RYR2: variants seen among roughly 807,000 people sequenced by gnomAD.
The protein encoded by RYR2 is cardiac muscle ryanodine receptor-calcium release channel.
Under a neutral mutation model 601.1 loss-of-function variants are expected in RYR2, and 227 were observed. That is an observed-to-expected ratio of 0.38 (90% CI 0.34 to 0.42). The LOEUF (loss-of-function observed/expected upper bound fraction) is 0.42, where lower values mean the gene tolerates loss of function less well. Among genes scored for constraint, RYR2 ranks in the 10% least tolerant of loss-of-function variants. RYR2 has a pLI of 1.00. For synonymous variants in RYR2, 2,223 were observed against 2,175.1 expected, an observed-to-expected ratio of 1.02 and a Z score of -0.61; for missense variants, 4,646 against 6,156.5, an observed-to-expected ratio of 0.75 and a Z score of 8.21.
At chr1:237,504,779 T>C (rs545928105) in intron 22 of RYR2, among the ~76,000 whole-genome samples, 1 of 152,220 alleles carries the variant, frequency 6.6e-6, no homozygotes, top group East Asian at 1.9e-4. Context: ...GCCCCCAACC[T>C]TTTTGGCACT....
chr1:237,298,335 G>A (rs560698061), intron 2 of RYR2, among the ~76,000 whole-genome samples: 22 of 152,174 alleles, frequency 1.4e-4, no homozygotes, highest in African/African-American at 5.3e-4. Flanking sequence ...AGGATGGCCT[G>A]CAAGACTCCA....
intron 24 of RYR2, among the ~76,000 whole-genome samples, chr1:237,520,603 C>T (rs1666993281): frequency 6.6e-6 from 1 of 152,152 alleles, no homozygotes; most frequent in African/African-American, 2.4e-5. Flanking sequence ...CGACGTATCA[C>T]ATTTATTGAT....
chr1:237,466,821 TA>T (rs1660136820), intron 16 of RYR2, among the ~76,000 whole-genome samples: 1 of 151,760 alleles, frequency 6.6e-6, no homozygotes, highest in Admixed American at 6.6e-5. Context: ...ATTTATTAGA[TA>T]TTTTATATTA....
intron 2 of RYR2, among the ~76,000 whole-genome samples, chr1:237,312,540 C>G (rs1460015123): frequency 6.6e-6 from 1 of 152,160 alleles, no homozygotes; most frequent in East Asian, 1.9e-4. Flanking sequence ...GAAAAACTAC[C>G]TGCTTTCTGG....
chr1:237,629,096 G>A (rs887202416), intron 41 of RYR2, among the ~76,000 whole-genome samples: 1 of 152,036 alleles, frequency 6.6e-6, no homozygotes, highest in East Asian at 1.9e-4. Context: ...AGAAGAAAAC[G>A]GAATTCAGAG....
At chr1:237,662,517 GATAAGAA>G (rs1683904346) in intron 56 of RYR2, among the ~76,000 whole-genome samples, 1 of 151,674 alleles carries the variant, frequency 6.6e-6, no homozygotes. Flanking sequence ...CTGTCAGGTA[GATAAGAA>G]ATAAGAAATT....
intron 23 of RYR2, among the ~76,000 whole-genome samples, chr1:237,510,721 C>G (rs1265861678): frequency 6.6e-6 from 1 of 152,334 alleles, no homozygotes; most frequent in East Asian, 1.9e-4. Context: ...CAGCATATGG[C>G]TGCCATCTAG....
intron 34 of RYR2, among the ~76,000 whole-genome samples, chr1:237,597,481 G>A (rs760608300): frequency 1.5e-4 from 22 of 151,484 alleles, no homozygotes; most frequent in Non-Finnish European, 2.7e-4. Flanking sequence ...GGGGTTTCAC[G>A]ATGTTGGCCA....
rs189998282 is a variant in RYR2 at position 237,181,236 on chromosome 1, G to T, written c.49-89261G>T. ...TGACCTCAAGTGATCCGCCCTCCTC[G>T]GCTTCCCAAAGTGCTGGGATTACAG... is the stretch of plus-strand genomic sequence containing the variant. On this transcript the variant is annotated intron_variant, in intron 1 of 104. Transcript: ENST00000366574. Among the ~76,000 whole-genome samples, 23 of 152,014 alleles carry T rather than the reference G, an allele frequency of 1.5e-4. No individual in the cohort carries two copies. In the East Asian group the frequency reaches 2.1e-3, roughly 14 times the overall value.
At chr1:237,208,945 T>C (rs1017028880) in intron 1 of RYR2, among the ~76,000 whole-genome samples, 1 of 38,496 alleles carries the variant, frequency 2.6e-5, no homozygotes, top group African/African-American at 1.3e-4. Flanking sequence ...TGTATATATA[T>C]ATATATATAT....
At chr1:237,746,484 A>T (rs1692087747) in intron 80 of RYR2, among the ~76,000 whole-genome samples, 1 of 152,202 alleles carries the variant, frequency 6.6e-6, no homozygotes, top group Admixed American at 6.5e-5. Flanking sequence ...CTCAAAAAAC[A>T]TGGAAAACAA....
chr1:237,745,347 A>C (rs1691982955), intron 80 of RYR2, among the ~76,000 whole-genome samples: 1 of 152,200 alleles, frequency 6.6e-6, no homozygotes, highest in Non-Finnish European at 1.5e-5. Context: ...GAATTATTTC[A>C]TATAAAATTT....
At chr1:237,658,666 CTGAGATTACAGGCA>C (rs1171046574) in intron 54 of RYR2, among the ~76,000 whole-genome samples, 1 of 152,188 alleles carries the variant, frequency 6.6e-6, no homozygotes, top group Non-Finnish European at 1.5e-5. Flanking sequence ...TCCCAAACTG[CTGAGATTACAGGCA>C]TGAGCCACCA....
Position 237,591,779 on chromosome 1 carries a change from C to T in RYR2, c.4201C>T (p.His1401Tyr). ...AACAAAGCCAGATTACAGCACAAGC[C>T]ATTCTGCAAGACTCACCGAAGATGT... ...RRTKPDYSTS[H>Y]SARLTEDVLA... The change falls in exon 32 of 105, where the codon CAT becomes TAT. Residue 1401 changes from histidine (H) to tyrosine (Y), a missense_variant. Around this residue, in one of 17 missense-constraint regions of RYR2, gnomAD observed 1,807 missense variants for 2,088.1 expected, o/e 0.87. Transcript: ENST00000366574. 1 of 1,613,624 alleles carries T rather than the reference C, an allele frequency of 6.2e-7. No individual in the cohort carries two copies. Among genetic ancestry groups the T allele is most frequent in the Non-Finnish European group, 8.5e-7 (1 of 1,179,764 alleles).
intron 56 of RYR2, among the ~76,000 whole-genome samples, chr1:237,665,183 A>G (rs925770239): frequency 1.3e-5 from 2 of 151,948 alleles, no homozygotes; most frequent in Admixed American, 6.6e-5. Context: ...GGTGGATCAC[A>G]AGGTCAGGAG....
chr1:237,614,936 A>G lies in RYR2; in HGVS notation c.5715+93A>G. 8.1e-7 allele frequency: 1 copy of G among 1,232,438 alleles called. No individual in the cohort carries two copies. The highest frequency in any genetic ancestry group is 1.1e-6 in the Non-Finnish European group (1 of 900,406). The allele number at this position is 1,232,438 out of a possible 1,614,324, so 76.3% of individuals were successfully genotyped here. A position where few individuals can be genotyped will look rare whatever the true frequency, so the allele number is the denominator to read the frequency against. ...TGTTTCTTTCTCTGTGTGTGTGTTTATTTCTTTGCATTCCTGTGTAATGGT... is the reference window on the plus strand; with the variant it reads ...TGTTTCTTTCTCTGTGTGTGTGTTTGTTTCTTTGCATTCCTGTGTAATGGT... On this transcript the variant is annotated intron_variant, in intron 37 of 104. Transcript: ENST00000366574. The surrounding 1 kb of genome is among the most constrained non-coding windows in gnomAD (Gnocchi z 4.3).
At chr1:237,515,804 TCTCCTCCTC>T (rs1666434507) in intron 24 of RYR2, among the ~76,000 whole-genome samples, 1 of 13,452 alleles carries the variant, frequency 7.4e-5, no homozygotes, top group African/African-American at 3.0e-4. Context: ...TTCTCCTCCT[TCTCCTCCTC>T]CTCCCTCTTC....
chr1:237,357,289 G>A (rs544429179), intron 4 of RYR2, among the ~76,000 whole-genome samples: 5 of 152,012 alleles, frequency 3.3e-5, no homozygotes, highest in African/African-American at 9.7e-5. Flanking sequence ...CATTTTTCTT[G>A]TCTTGGTAAG....
intron 1 of RYR2, among the ~76,000 whole-genome samples, chr1:237,207,661 A>T (rs944271941): frequency 6.6e-6 from 1 of 152,196 alleles, no homozygotes; most frequent in African/African-American, 2.4e-5. Context: ...CCCAGCCTCC[A>T]GAGCTGTGAA....
Sources: gnomAD v4.1 joint callset for allele counts (sites outside exome capture counted in the v4.1 genomes callset) on GRCh38, gnomAD v4.1.1 for gene constraint, gnomAD v4.1.1 regional missense constraint, Gnocchi (gnomAD v3.1) non-coding constraint, MANE v1.5 for transcripts, NCBI Gene and HGNC (gene_info 2026-07-23, HGNC 2026-07-21) for gene names.